The following COL22A1 variants were observed in gnomAD, a reference collection of about 807,000 sequenced individuals.
COL22A1 encodes the protein collagen type XXII alpha 1 chain.
Under a neutral mutation model 248.9 loss-of-function variants are expected in COL22A1, and 221 were observed. The observed-to-expected ratio is 0.89, with a 90% CI of 0.80 to 0.99. The LOEUF is 0.99. Ranked by LOEUF, COL22A1 falls within the 50% of genes least tolerant of loss-of-function variation. COL22A1 has a pLI of 0.00. For missense variants in COL22A1, 2,240 were observed against 2,179.0 expected (o/e 1.03, Z -0.56); for synonymous variants, 891 against 793.4 (o/e 1.12, Z -2.07).
intron 32 of COL22A1, among the ~76,000 whole-genome samples, chr8:138,697,632 C>A (rs1011437786): frequency 6.6e-6 from 1 of 152,278 alleles, no homozygotes; most frequent in East Asian, 1.9e-4. Flanking sequence ...GAGAGGGTGA[C>A]AAAATGAGTC....
chr8:138,656,526 G>A lies in COL22A1; in HGVS notation c.3286-582C>T, dbSNP rs1235026703. Among the ~76,000 whole-genome samples, 3 of 152,148 alleles carry A rather than the reference G, an allele frequency of 2.0e-5. No homozygotes were observed. The East Asian group carries it at 5.8e-4, about 29-fold the overall frequency. ...TACAGGTAGGTAGGAGTCTGCAGGT[G>A]GATGAATTCATGCTCAGACCCACTG... On this transcript the variant is annotated intron_variant, in intron 44 of 64. Coordinates refer to ENST00000303045, the MANE Select transcript of COL22A1 (RefSeq NM_152888.3).
chr8:138,664,209 G>GCGCGCGCGCACACA (rs1440442280), intron 41 of COL22A1, among the ~76,000 whole-genome samples: 28 of 103,200 alleles, frequency 2.7e-4, no homozygotes, highest in East Asian at 1.6e-3. Flanking sequence ...GCGCGCGCGC[G>GCGCGCGCGCACACA]CACACACACA....
intron 51 of COL22A1, among the ~76,000 whole-genome samples, chr8:138,625,850 T>TTA (rs1032978132): frequency 5.3e-5 from 8 of 152,176 alleles, no homozygotes; most frequent in African/African-American, 7.2e-5. Flanking sequence ...ATTAACACAG[T>TTA]TATATATATA....
chr8:138,672,331 C>CA (rs1486317900), intron 41 of COL22A1, among the ~76,000 whole-genome samples: 1 of 152,140 alleles, frequency 6.6e-6, no homozygotes, highest in African/African-American at 2.4e-5. Flanking sequence ...CTTGTCCCTG[C>CA]AAGTAGGCAC....
Position 138,877,886 on chromosome 8 carries a change from G to A in COL22A1, c.522C>T (p.Ala174=), listed in dbSNP as rs775573229. The A allele has an allele frequency of 4.3e-6, 7 of 1,612,458 alleles. 1 individual carries two copies. Among genetic ancestry groups the A allele is most frequent in the South Asian group, 3.3e-5 (3 of 90,932 alleles). ...AAHRAGIRIF[A]VGVGEALKEE... The stretch of plus-strand genomic sequence containing the variant: ...CCTTGAGTGCCTCGCCCACGCCCAC[G>A]GCAAAGATGCGGATGCCAGCGCGGT... Residue 174 remains alanine (A), a synonymous_variant, in exon 3 of 65, where the codon GCC becomes GCT. Coordinates refer to ENST00000303045, the MANE Select transcript of COL22A1 (RefSeq NM_152888.3).
intron 4 of COL22A1, among the ~76,000 whole-genome samples, chr8:138,838,295 A>C (rs935201763): frequency 6.6e-5 from 10 of 152,038 alleles, no homozygotes; most frequent in African/African-American, 2.4e-4. Context: ...TACTCAGAGG[A>C]GGCTCACAGG....
intron 35 of COL22A1, among the ~76,000 whole-genome samples, chr8:138,692,608 G>C (rs867189042): frequency 2.0e-5 from 3 of 152,024 alleles, no homozygotes; most frequent in Admixed American, 6.6e-5. Flanking sequence ...GGACATTCCA[G>C]GTGGGTCAAC....
chr8:138,772,622 G>A (rs752314501), intron 16 of COL22A1, among the ~76,000 whole-genome samples: 9 of 152,188 alleles, frequency 5.9e-5, no homozygotes, highest in African/African-American at 1.9e-4. Context: ...TTCTAATCAC[G>A]CTGTAGGTTT....
rs577212978 is a variant in COL22A1 at position 138,742,867 on chromosome 8, G to GGTA, written c.2086-5293_2086-5291dup. Among the ~76,000 whole-genome samples the GGTA allele has an allele frequency of 1.4e-3, 212 of 151,098 alleles. 2 individuals are homozygous for GGTA. The highest frequency in any genetic ancestry group is 4.9e-3 in the African/African-American group (201 of 40,994). On this transcript the variant is annotated intron_variant, in intron 22 of 64. Coordinates refer to ENST00000303045, the MANE Select transcript of COL22A1 (RefSeq NM_152888.3). ...TTGTGATGGTAGAGTTGATGATGAT[G>GGTA]GTAGTAGTGATTGTGATGGTAGAGT...
At chr8:138,774,849 T>G (rs1270317845) in intron 16 of COL22A1, among the ~76,000 whole-genome samples, 1 of 152,160 alleles carries the variant, frequency 6.6e-6, no homozygotes, top group Non-Finnish European at 1.5e-5. Context: ...CTAAAAACTC[T>G]ACAGCAGCAC....
intron 35 of COL22A1, among the ~76,000 whole-genome samples, chr8:138,692,450 TGTGTGTG>T (rs1160532771): frequency 6.8e-6 from 1 of 147,228 alleles, no homozygotes; most frequent in Admixed American, 6.9e-5. Context: ...TGTGGAGGTG[TGTGTGTG>T]AGTGCATGTG....
At chr8:138,870,321 T>C (rs117999338) in intron 3 of COL22A1, among the ~76,000 whole-genome samples, 1 of 151,656 alleles carries the variant, frequency 6.6e-6, no homozygotes, top group African/African-American at 2.4e-5. Flanking sequence ...TGTGTGTATA[T>C]AGAATGTGTG....
intron 12 of COL22A1, among the ~76,000 whole-genome samples, chr8:138,785,978 G>A (rs1471758806): frequency 1.3e-5 from 2 of 152,174 alleles, no homozygotes; most frequent in African/African-American, 4.8e-5. Flanking sequence ...GTGTGGTAGA[G>A]AGGTAATGGT....
rs564135070 is a variant in COL22A1 at position 138,810,064 on chromosome 8, T to C, written c.1449+1735A>G. ...AGTACAGGGAGAAAAAGGAATATGC[T>C]GTCATGGAAATAGCAGGTGCTAAAT... On this transcript the variant is annotated intron_variant, in intron 9 of 64. Transcript: ENST00000303045. Among the ~76,000 whole-genome samples, 3 of 152,244 alleles carry C rather than the reference T, an allele frequency of 2.0e-5. No individual in the cohort carries two copies. The South Asian group carries it at 6.2e-4, about 32-fold the overall frequency.
chr8:138,753,790 G>A (rs912959408), intron 21 of COL22A1, among the ~76,000 whole-genome samples: 1 of 152,154 alleles, frequency 6.6e-6, no homozygotes. Context: ...ACAAAATCTA[G>A]GTAAAGGGTG....
At chr8:138,767,270 G>A (rs1003497230) in intron 16 of COL22A1, among the ~76,000 whole-genome samples, 3 of 152,182 alleles carry the variant, frequency 2.0e-5, no homozygotes, top group Admixed American at 2.0e-4. Context: ...TGGGGTAGGG[G>A]AAAGAAAGAC....
At chr8:138,890,767 C>T (rs1461762705) in intron 1 of COL22A1, among the ~76,000 whole-genome samples, 3 of 152,086 alleles carry the variant, frequency 2.0e-5, no homozygotes, top group Non-Finnish European at 4.4e-5. Context: ...AATCCTAACA[C>T]TTTGGGAGGC....
chr8:138,597,120 A>C (rs1022955475), intron 61 of COL22A1, 150 bp from the exon 62 acceptor site: 12 of 634,000 alleles, frequency 1.9e-5, no homozygotes, highest in Non-Finnish European at 3.1e-5. Flanking sequence ...CCACATCTCT[A>C]ATCCCTTCCT....
chr8:138,767,179 C>T (rs1586691831), intron 16 of COL22A1, among the ~76,000 whole-genome samples: 2 of 152,214 alleles, frequency 1.3e-5, no homozygotes, highest in East Asian at 3.8e-4. Context: ...ACGTGAGATG[C>T]TGACAATACT....
Sources: allele counts gnomAD v4.1 joint callset (sites outside exome capture counted in the v4.1 genomes callset), GRCh38; gene constraint gnomAD v4.1.1; transcripts MANE v1.5; gene names NCBI Gene and HGNC (gene_info 2026-07-23, HGNC 2026-07-21).